NMRAL1: variants seen among roughly 807,000 people sequenced by gnomAD.
NMRAL1 encodes the protein nmrA-like family domain-containing protein 1.
In NMRAL1, 32 loss-of-function variants were observed where a neutral mutation model predicts 27.5. The observed-to-expected ratio is 1.16, with a 90% CI of 0.88 to 1.56. NMRAL1 has a LOEUF of 1.56. Ranked by LOEUF, NMRAL1 falls within the 40% of genes most tolerant of loss-of-function variation. The probability of loss-of-function intolerance (pLI) is 0.00; values close to 1 mark genes in which losing one functional copy is unlikely to be tolerated. For synonymous variants in NMRAL1, 166 were observed against 166.8 expected (o/e 1.00, Z 0.04); for missense variants, 420 against 392.0 (o/e 1.07, Z -0.60).
chr16:4,466,029 G>A, intron 4 of NMRAL1, 124 bp downstream of exon 4: 1 of 1,159,632 alleles, frequency 8.6e-7, no homozygotes, highest in South Asian at 1.4e-5. Context: ...GCTCAGTCCT[G>A]GGCCTAACGT....
At chr16:4,464,137 C>T in intron 4 of NMRAL1, 1 of 498,146 alleles carries the variant, frequency 2.0e-6, no homozygotes, top group African/African-American at 2.0e-5. Context: ...CCTGGGCCTG[C>T]CCAGCTCTCT....
rs1178181446 is a variant in NMRAL1 at position 4,463,664 on chromosome 16, G to A, written c.716C>T (p.Ala239Val). The A allele has an allele frequency of 6.2e-7, 1 of 1,613,146 alleles. No individual in the cohort carries two copies. Among genetic ancestry groups the A allele is most frequent in the Non-Finnish European group, 8.5e-7 (1 of 1,179,920 alleles). The change falls in exon 5 of 6, where the codon GCC (alanine) becomes GTC (valine). Residue 239 changes from alanine (A) to valine (V), a missense_variant. By Grantham distance (64) the Ala-to-Val change is moderately conservative (BLOSUM62 0). Transcript: ENST00000283429. ...TKHTRKVVHD[A>V]KMTPEDYEKL... ...CACCTGGGGCGGGAGGCCCACCTTG[G>A]CATCGTGCACGACCTTGCGGGTGTG...
At chr16:4,476,075 C>G, upstream of NMRAL1, 1 of 152,238 alleles carries the variant, frequency 6.6e-6, no homozygotes, top group Non-Finnish European at 1.5e-5. Flanking sequence ...GGCAAGTGAC[C>G]AAGTGGGTGG....
At chr16:4,469,173 G>C in intron 3 of NMRAL1, 54 bp downstream of exon 3, 2 of 1,248,716 alleles carry the variant, frequency 1.6e-6, no homozygotes, top group Middle Eastern at 4.1e-4. Flanking sequence ...GCTCCTCCCA[G>C]GCGCTCTGCT....
chr16:4,475,386 C>A (rs1043768037), upstream of NMRAL1, among the ~76,000 whole-genome samples: 14 of 151,870 alleles, frequency 9.2e-5, no homozygotes, highest in Non-Finnish European at 1.5e-4. Context: ...TGGCTCACTG[C>A]AACTTCCGCC....
At position 4,469,212 on chromosome 16, in the gene NMRAL1, C is replaced by G. The variant is rs530859333; in HGVS notation, c.279+15G>C. On this transcript the variant is annotated intron_variant, in intron 3 of 5. Transcript: ENST00000283429. ...AGCCTGGCCGGGCCTCCCTGCAGCT[C>G]CTGCCTGCCCTCACCTGCTTGACCT... The G allele has an allele frequency of 2.5e-5, 40 of 1,594,790 alleles. No individual in the cohort carries two copies. The South Asian group carries it at 4.2e-4, about 17-fold the overall frequency.
Position 4,466,176 on chromosome 16 carries a change from G to A in NMRAL1, c.506C>T (p.Pro169Leu). ...LLSHFLPQKA[P>L]DGKSYLLSLP... The stretch of plus-strand genomic sequence containing the variant: ...ACTCAGCAAGTAGCTCTTTCCGTCT[G>A]GGGCTTTCTGGGGCAAGAAGTGGGA... The change falls in exon 4 of 6, where the codon CCA becomes CTA. Residue 169 changes from proline (P) to leucine (L), a missense_variant. Physicochemically the swap from Pro to Leu is moderately conservative, Grantham distance 98. Transcript: ENST00000283429. 5 of 1,614,210 alleles carry A rather than the reference G, an allele frequency of 3.1e-6. No homozygotes were observed. Among genetic ancestry groups the A allele is most frequent in the Non-Finnish European group, 4.2e-6 (5 of 1,180,048 alleles).
intron 4 of NMRAL1, among the ~76,000 whole-genome samples, chr16:4,465,180 G>C (rs11862751): frequency 0.079 from 12,059 of 152,206 alleles, 794 homozygotes; most frequent in African/African-American, 0.17. Context: ...CCAAAGTGCT[G>C]GGATTACAGG....
At chr16:4,475,225 G>A (rs1368437096), upstream of NMRAL1, among the ~76,000 whole-genome samples, 1 of 151,450 alleles carries the variant, frequency 6.6e-6, no homozygotes, top group East Asian at 2.0e-4. Context: ...AGTGCTGGGA[G>A]TACAGGTGGG....
chr16:4,469,507 A>T, intron 2 of NMRAL1, 42 bp from the exon 3 acceptor site: 2 of 1,607,856 alleles, frequency 1.2e-6, no homozygotes, highest in South Asian at 2.2e-5. Flanking sequence ...GACCTACCTG[A>T]AAGTCCCACT....
intron 5 of NMRAL1, 103 bp downstream of exon 5, chr16:4,463,557 A>C (rs759173260): frequency 4.0e-5 from 35 of 877,446 alleles, no homozygotes; most frequent in Non-Finnish European, 6.1e-5. Context: ...GAATGAATTT[A>C]GATGTACTGC....
intron 2 of NMRAL1, among the ~76,000 whole-genome samples, chr16:4,472,470 C>T (rs1289036044): frequency 2.6e-5 from 4 of 151,872 alleles, no homozygotes; most frequent in Admixed American, 6.6e-5. Flanking sequence ...GTTGGCCGGG[C>T]GCGGTGGCTC....
At chr16:4,466,424 A>G in intron 3 of NMRAL1, 22 bp from the exon 4 acceptor site, 4 of 1,606,354 alleles carry the variant, frequency 2.5e-6, no homozygotes, top group Non-Finnish European at 3.4e-6. Flanking sequence ...GGAAGGAGAG[A>G]TCACAAGGCT....
intron 5 of NMRAL1, 69 bp from the exon 6 acceptor site, chr16:4,462,028 C>CCATCCGGCCTCCCT: frequency 7.2e-7 from 1 of 1,397,160 alleles, no homozygotes; most frequent in African/African-American, 1.4e-5. Context: ...GCAGGGAGGC[C>CCATCCGGCCTCCCT]GGATGGGCTG....
rs144549240 is a variant in NMRAL1 at position 4,463,702 on chromosome 16, G to A, written c.678C>T (p.Ala226=). 3.6e-5 allele frequency: 58 copies of A among 1,614,014 alleles called. No homozygotes were observed. The African/African-American group carries it at 6.0e-4, about 17-fold the overall frequency. ...CCTTGCGGGTGTGCTTGGTGAGCAG[G>A]GCAGCGTACTCCTCGGCCGTGTGCC... The part of the protein sequence containing the change: ...TCRHTAEEYA[A]LLTKHTRKVV... Residue 226 remains alanine, a synonymous_variant, in exon 5 of 6, where the codon GCC becomes GCT. Coordinates refer to ENST00000283429, the MANE Select transcript of NMRAL1 (RefSeq NM_020677.6).
At position 4,461,947 on chromosome 16, in the gene NMRAL1, C is replaced by G; in HGVS notation, c.733G>C (p.Asp245His). The G allele has an allele frequency of 1.9e-6, 3 of 1,611,984 alleles. No individual in the cohort carries two copies. Among genetic ancestry groups the G allele is most frequent in the Non-Finnish European group, 2.5e-6 (3 of 1,178,928 alleles). ...VVHDAKMTPE[D>H]YEKLGFPGAR... ...CCGGGAAAGCCAAGCTTTTCGTAGT[C>G]CTCAGGAGTCATCTGGAAGCAGAGG... Residue 245 changes from aspartate (D) to histidine (H), a missense_variant, in exon 6 of 6, where the codon GAC (aspartate) becomes CAC (histidine). By Grantham distance (81) the Asp-to-His change is moderately conservative. Coordinates refer to ENST00000283429, the MANE Select transcript of NMRAL1 (RefSeq NM_020677.6).
chr16:4,464,666 G>A (rs994533993), intron 4 of NMRAL1, among the ~76,000 whole-genome samples: 2 of 149,404 alleles, frequency 1.3e-5, no homozygotes, highest in Non-Finnish European at 3.0e-5. Context: ...CCAGGCTGGA[G>A]TGCAGTGGCG....
At chr16:4,468,489 A>G (rs923283227) in intron 3 of NMRAL1, among the ~76,000 whole-genome samples, 41 of 148,816 alleles carry the variant, frequency 2.8e-4, no homozygotes, top group African/African-American at 9.2e-4. Context: ...GCTGGTACAC[A>G]CCTATAATCC....
intron 4 of NMRAL1, 102 bp downstream of exon 4, chr16:4,466,051 G>A (rs964546242): frequency 5.5e-6 from 8 of 1,444,706 alleles, no homozygotes; most frequent in Non-Finnish European, 7.6e-6. Flanking sequence ...AGGGAGCCAC[G>A]GCTTGAACCT....
Sources: gnomAD v4.1 joint callset for allele counts (sites outside exome capture counted in the v4.1 genomes callset) on GRCh38, gnomAD v4.1.1 for gene constraint, MANE v1.5 for transcripts, NCBI Gene and HGNC (gene_info 2026-07-23, HGNC 2026-07-21) for gene names.